The following ELAVL3 variants were observed in gnomAD, a reference collection of about 807,000 sequenced individuals.
ELAVL3 encodes ELAV-like protein 3.
ELAVL3 carries 8 observed loss-of-function variants against 34.2 expected under a neutral mutation model. That is an observed-to-expected ratio of 0.23 (90% CI 0.14 to 0.42). The LOEUF (loss-of-function observed/expected upper bound fraction) is 0.42, where lower values mean the gene tolerates loss of function less well. ELAVL3 is among the 10% of genes least tolerant of loss of function. The pLI is 1.00. For synonymous variants in ELAVL3, 209 were observed against 222.1 expected, an observed-to-expected ratio of 0.94 and a Z score of 0.53; for missense variants, 273 against 518.8, an observed-to-expected ratio of 0.53 and a Z score of 4.60.
chr19:11,456,017 T>C (rs1035624716), intron 6 of ELAVL3, among the ~76,000 whole-genome samples: 2 of 152,132 alleles, frequency 1.3e-5, no homozygotes, highest in Admixed American at 6.5e-5. Flanking sequence ...TTCCCACTGC[T>C]AGGAACTCCC....
At chr19:11,457,362 G>A (rs2144879194) in intron 5 of ELAVL3, among the ~76,000 whole-genome samples, 1 of 152,294 alleles carries the variant, frequency 6.6e-6, no homozygotes, top group South Asian at 2.1e-4. Context: ...TGTCCAGCCT[G>A]CACTGGCCTC....
chr19:11,467,126 C>T (rs1303539017), intron 1 of ELAVL3, among the ~76,000 whole-genome samples: 3 of 152,120 alleles, frequency 2.0e-5, no homozygotes, highest in Non-Finnish European at 2.9e-5. Flanking sequence ...CGCTTTCACA[C>T]CGGAAACGCT....
Position 11,451,610 on chromosome 19 carries a change from C to T in ELAVL3, c.*2916G>A, listed in dbSNP as rs1417420052. 5.3e-5 allele frequency: 8 copies of T among 151,536 alleles called. No homozygotes were observed. Among genetic ancestry groups the T allele is most frequent in the African/African-American group, 1.9e-4 (8 of 41,292 alleles). 9.4% of individuals were successfully genotyped at this position (151,536 alleles called of 1,614,324 possible). Reference sequence around the variant, plus strand: ...AGGGAGGGGTGGAGGGGCTGAGCCCCCTCCCCCCTGGCCTGGCCCCTGCCC... The same window carrying T: ...AGGGAGGGGTGGAGGGGCTGAGCCCTCTCCCCCCTGGCCTGGCCCCTGCCC... On this transcript the variant is annotated 3_prime_UTR_variant, in exon 7 of 7. Coordinates refer to ENST00000359227, the MANE Select transcript of ELAVL3 (RefSeq NM_001420.4).
intron 6 of ELAVL3, among the ~76,000 whole-genome samples, chr19:11,455,869 A>G (rs1461310082): frequency 6.6e-6 from 1 of 152,088 alleles, no homozygotes; most frequent in Non-Finnish European, 1.5e-5. Context: ...AATTGGCTCC[A>G]CTCACATTCC....
chr19:11,454,403 C>T lies in ELAVL3; in HGVS notation c.*123G>A. 1.0e-6 allele frequency: 1 copy of T among 979,142 alleles called. No homozygotes were observed. Among genetic ancestry groups the T allele is most frequent in the South Asian group, 1.7e-5 (1 of 58,566 alleles). The allele number at this position is 979,142 out of a possible 1,614,324, so 60.7% of individuals were successfully genotyped here. ...TGTGGCTTCCGCAGGGACGTGGGGC[C>T]CTCGCGTCGTCCGTGGGGCTGCCTG... On this transcript the variant is annotated 3_prime_UTR_variant, in exon 7 of 7. Coordinates refer to ENST00000359227, the MANE Select transcript of ELAVL3 (RefSeq NM_001420.4). The surrounding 1 kb of genome is among the most constrained non-coding windows in gnomAD (Gnocchi z 9.2).
intron 1 of ELAVL3, among the ~76,000 whole-genome samples, chr19:11,478,637 G>C (rs987389529): frequency 6.6e-6 from 1 of 152,104 alleles, no homozygotes; most frequent in Non-Finnish European, 1.5e-5. Flanking sequence ...TTCTTCCTCT[G>C]TTTCCCTCTC....
chr19:11,457,095 C>A lies in ELAVL3; in HGVS notation c.752+15G>T. 1 of 1,125,466 alleles carries A rather than the reference C, an allele frequency of 8.9e-7. No homozygotes were observed. The highest frequency in any genetic ancestry group is 5.3e-5 in the East Asian group (1 of 18,836). The allele number at this position is 1,125,466 out of a possible 1,614,324, so 69.7% of individuals were successfully genotyped here. A position where few individuals can be genotyped will look rare whatever the true frequency, so the allele number is the denominator to read the frequency against. On this transcript the variant is annotated intron_variant, in intron 6 of 6. Transcript: ENST00000359227. ...ATGGTGAGGGGTGGGGACAGTGGGG[C>A]GGGGTCACTGTTACCTCTTGACGCC...
rs1214964168 is a variant in ELAVL3, at chr19:11,464,165, ATATTTTTT to A, written c.333+1999_333+2006del. 6.1e-3 allele frequency among the ~76,000 whole-genome samples: 681 copies of A among 111,046 alleles called. 6 individuals are homozygous for A. The highest frequency in any genetic ancestry group is 0.029 in the African/African-American group (637 of 22,150). The allele number at this position is 111,046 out of a possible 152,430, so 72.9% of individuals were successfully genotyped here. ...TCTCTCTCTCTCTATATATATATAT[ATATTTTTT>A]TTTTTTTTAGACAGGGTCTTGCTCT... On this transcript the variant is annotated intron_variant, in intron 3 of 6. Transcript: ENST00000359227.
chr19:11,480,453 C>G lies in ELAVL3; in HGVS notation c.9+147G>C. On this transcript the variant is annotated intron_variant, in intron 1 of 6. Transcript: ENST00000359227. This position sits in a 1 kb window ranked among gnomAD's most constrained non-coding sequence, Gnocchi z 6.8. Reference sequence around the variant, plus strand: ...CTCTGGGCGCGGCCCTGCCCACTCTCAGGCCCCGAGGCTTGGTCCTACCCC... The same window carrying G: ...CTCTGGGCGCGGCCCTGCCCACTCTGAGGCCCCGAGGCTTGGTCCTACCCC... The G allele has an allele frequency of 9.7e-7, 1 of 1,032,200 alleles. No individual in the cohort carries two copies. Among genetic ancestry groups the G allele is most frequent in the Non-Finnish European group, 1.3e-6 (1 of 767,390 alleles). 63.9% of individuals were successfully genotyped at this position (1,032,200 alleles called of 1,614,324 possible). A position where few individuals can be genotyped will look rare whatever the true frequency, so the allele number is the denominator to read the frequency against.
chr19:11,465,035 C>CACACCACACAA lies in ELAVL3; in HGVS notation c.333+1136_333+1137insTTGTGTGGTGT, dbSNP rs1356478934. 2.2e-3 allele frequency among the ~76,000 whole-genome samples: 299 copies of CACACCACACAA among 135,610 alleles called. 6 individuals carry two copies. Among genetic ancestry groups the CACACCACACAA allele is most frequent in the African/African-American group, 7.8e-3 (280 of 36,046 alleles). 89.0% of individuals were successfully genotyped at this position (135,610 alleles called of 152,430 possible). Reference sequence around the variant, plus strand: ...TACATACACATACACACACCACACACACACCACACACATACACACATACAC... The same window carrying CACACCACACAA: ...TACATACACATACACACACCACACACACACCACACAAACACCACACACATACACACATACAC... On this transcript the variant is annotated intron_variant, in intron 3 of 6. Transcript: ENST00000359227.
intron 1 of ELAVL3, among the ~76,000 whole-genome samples, chr19:11,471,738 G>T (rs1389100968): frequency 6.6e-6 from 1 of 152,014 alleles, no homozygotes; most frequent in Non-Finnish European, 1.5e-5. Flanking sequence ...ACAGGCATGA[G>T]CCACTGAACC....
chr19:11,462,612 G>A (rs948744433), intron 3 of ELAVL3, among the ~76,000 whole-genome samples: 1 of 151,060 alleles, frequency 6.6e-6, no homozygotes, highest in Admixed American at 6.6e-5. Flanking sequence ...ATCCGGCCTG[G>A]GTAACAGAGC....
intron 3 of ELAVL3, among the ~76,000 whole-genome samples, chr19:11,462,174 C>CAAAAAAAA (rs775716481): frequency 1.4e-5 from 1 of 73,738 alleles, no homozygotes; most frequent in African/African-American, 4.6e-5. Context: ...GACTCCGTCT[C>CAAAAAAAA]AAAAAAAAAA....
rs1971360135 is a variant in ELAVL3 at position 11,480,660 on chromosome 19, T to C, written c.-52A>G. 1 of 1,401,886 alleles carries C rather than the reference T, an allele frequency of 7.1e-7. No homozygotes were observed. Among genetic ancestry groups the C allele is most frequent in the East Asian group, 2.8e-5 (1 of 36,126 alleles). The allele number at this position is 1,401,886 out of a possible 1,614,324, so 86.8% of individuals were successfully genotyped here. ...GTGTTGAGGGGGGCTCCGGGGGTGG[T>C]GCACTCCTAGGGGGGCGCCCGATGC... is the stretch of plus-strand genomic sequence containing the variant. On this transcript the variant is annotated 5_prime_UTR_variant, in exon 1 of 7. Coordinates refer to ENST00000359227, the MANE Select transcript of ELAVL3 (RefSeq NM_001420.4). This position sits in a 1 kb window ranked among gnomAD's most constrained non-coding sequence, Gnocchi z 6.8.
chr19:11,461,289 A>C (rs1970878605), intron 3 of ELAVL3, among the ~76,000 whole-genome samples: 1 of 152,130 alleles, frequency 6.6e-6, no homozygotes, highest in Admixed American at 6.6e-5. Context: ...AAAGCAGGGA[A>C]TATTGTGTGA....
In ELAVL3 at chr19:11,480,415, A is replaced by T; in HGVS notation, c.9+185T>A. 3.2e-6 allele frequency: 2 copies of T among 623,296 alleles called. No individual in the cohort carries two copies. The highest frequency in any genetic ancestry group is 8.8e-5 in the South Asian group (2 of 22,600). 38.6% of individuals were successfully genotyped at this position (623,296 alleles called of 1,614,324 possible). On this transcript the variant is annotated intron_variant, in intron 1 of 6. Coordinates refer to ENST00000359227, the MANE Select transcript of ELAVL3 (RefSeq NM_001420.4). This position sits in a 1 kb window ranked among gnomAD's most constrained non-coding sequence, Gnocchi z 6.8. ...TAAGGCCCTCTCAGACCAAGCTCTA[A>T]GCGCCCTCAGCACTCTGGGCGCGGC...
At chr19:11,479,620 G>A (rs1207007158) in intron 1 of ELAVL3, among the ~76,000 whole-genome samples, 1 of 151,680 alleles carries the variant, frequency 6.6e-6, no homozygotes, top group East Asian at 2.0e-4. Flanking sequence ...GAATCCGAGG[G>A]CTCGGGCGAG....
chr19:11,468,908 C>A (rs8107605), intron 1 of ELAVL3, among the ~76,000 whole-genome samples: 2,004 of 151,820 alleles, frequency 0.013, 49 homozygotes, highest in African/African-American at 0.045. Flanking sequence ...TCAATTGAAA[C>A]CATTTTTTAG....
intron 1 of ELAVL3, among the ~76,000 whole-genome samples, chr19:11,473,819 T>C (rs867601417): frequency 1.7e-4 from 26 of 152,242 alleles, no homozygotes; most frequent in South Asian, 2.1e-4. Flanking sequence ...ATTTCCCAGC[T>C]GTGTGTCCTC....
Sources: gnomAD v4.1 joint callset for allele counts (sites outside exome capture counted in the v4.1 genomes callset) on GRCh38, gnomAD v4.1.1 for gene constraint, Gnocchi (gnomAD v3.1) non-coding constraint, MANE v1.5 for transcripts, NCBI Gene and HGNC (gene_info 2026-07-23, HGNC 2026-07-21) for gene names.